PCDHGA1: variants seen among roughly 807,000 people sequenced by gnomAD.
PCDHGA1 encodes protocadherin gamma subfamily A, 1, also known as protocadherin gamma-A1.
In PCDHGA1, 32 loss-of-function variants were observed where a neutral mutation model predicts 58.0. The observed-to-expected ratio is 0.55, with a 90% CI of 0.42 to 0.74. The LOEUF (loss-of-function observed/expected upper bound fraction) is 0.74, where lower values mean the gene tolerates loss of function less well. Ranked by LOEUF, PCDHGA1 falls within the 30% of genes least tolerant of loss-of-function variation. The probability of loss-of-function intolerance (pLI) is 0.00; values close to 1 mark genes in which losing one functional copy is unlikely to be tolerated. For synonymous variants in PCDHGA1, 498 were observed against 501.1 expected, an observed-to-expected ratio of 0.99 and a Z score of 0.08; for missense variants, 1,205 against 1,182.3, an observed-to-expected ratio of 1.02 and a Z score of -0.28.
chr5:141,403,687 G>A, intron 1 of PCDHGA1: 1 of 1,613,872 alleles, frequency 6.2e-7, no homozygotes, highest in East Asian at 2.2e-5. Context: ...TTGCTCAACG[G>A]ATTTACCGAG....
At chr5:141,404,347 C>T (rs1451476815) in intron 1 of PCDHGA1, 6 of 1,613,796 alleles carry the variant, frequency 3.7e-6, no homozygotes, top group African/African-American at 2.7e-5. Context: ...CGGAAAACAA[C>T]GCCAGAGGTA....
chr5:141,485,074 G>C lies in PCDHGA1; in HGVS notation c.2422-9733G>C, dbSNP rs2099606548. ...GGCCGAACCGCGCCAGAGCTGGCGC[G>C]GGGAAAGGGAGATAGGTGTCTCCAG... On this transcript the variant is annotated intron_variant, in intron 1 of 3. Coordinates refer to ENST00000517417, the MANE Select transcript of PCDHGA1 (RefSeq NM_018912.3). The surrounding 1 kb of genome is among the most constrained non-coding windows in gnomAD (Gnocchi z 5.7). 1 of 926,946 alleles carries C rather than the reference G, an allele frequency of 1.1e-6. No individual in the cohort carries two copies. The highest frequency in any genetic ancestry group is 1.6e-5 in the South Asian group (1 of 62,606). The allele number at this position is 926,946 out of a possible 1,614,324, so 57.4% of individuals were successfully genotyped here.
At chr5:141,470,780 T>G (rs1436746772) in intron 1 of PCDHGA1, among the ~76,000 whole-genome samples, 1 of 152,194 alleles carries the variant, frequency 6.6e-6, no homozygotes, top group Non-Finnish European at 1.5e-5. Flanking sequence ...CTTGAATTCC[T>G]GGGCTCAAGC....
intron 1 of PCDHGA1, chr5:141,395,075 C>A: frequency 6.2e-7 from 1 of 1,614,124 alleles, no homozygotes; most frequent in Non-Finnish European, 8.5e-7. Context: ...AGACCTATTC[C>A]CAGGAAGTCT....
Position 141,347,024 on chromosome 5 carries a change from CTCCT to C in PCDHGA1, c.2421+13932_2421+13935del, listed in dbSNP as rs773361494. Among the ~76,000 whole-genome samples, 17 of 149,360 alleles carry C rather than the reference CTCCT, an allele frequency of 1.1e-4. No individual in the cohort carries two copies. The East Asian group carries it at 2.5e-3, about 22-fold the overall frequency. On this transcript the variant is annotated intron_variant, in intron 1 of 3. Coordinates refer to ENST00000517417, the MANE Select transcript of PCDHGA1 (RefSeq NM_018912.3). Reference sequence around the variant, plus strand: ...TCCTTCCTTCCTTCCTCTCTCTTTCCTCCTTCCTTCCTTCCTCTCTCTCTTTCCT... The same window carrying C: ...TCCTTCCTTCCTTCCTCTCTCTTTCCTCCTTCCTTCCTCTCTCTCTTTCCT...
At position 141,403,188 on chromosome 5, in the gene PCDHGA1, C is replaced by T. The variant is rs763950254; in HGVS notation, c.2421+70083C>T. ...AGGACGCAGCTTTTCTCTCTGAACCCGCGCAGCGGCACCTTGGTCACCGCG... is the reference window on the plus strand; with the variant it reads ...AGGACGCAGCTTTTCTCTCTGAACCTGCGCAGCGGCACCTTGGTCACCGCG... On this transcript the variant is annotated intron_variant, in intron 1 of 3. Coordinates refer to ENST00000517417, the MANE Select transcript of PCDHGA1 (RefSeq NM_018912.3). 5 of 1,613,850 alleles carry T rather than the reference C, an allele frequency of 3.1e-6. No individual in the cohort carries two copies. The African/African-American group carries it at 4.0e-5, about 13-fold the overall frequency.
At chr5:141,418,877 G>T in intron 1 of PCDHGA1, 1 of 1,613,960 alleles carries the variant, frequency 6.2e-7, no homozygotes, top group Non-Finnish European at 8.5e-7. Context: ...AGTTGTAGAC[G>T]AAAACGACAA....
intron 1 of PCDHGA1, among the ~76,000 whole-genome samples, chr5:141,359,855 T>TA (rs1343900120): frequency 6.6e-6 from 1 of 151,960 alleles, no homozygotes; most frequent in African/African-American, 2.4e-5. Flanking sequence ...CTTTATAAAT[T>TA]AAAAAAGAAA....
intron 1 of PCDHGA1, chr5:141,399,725 A>G (rs2093873556): frequency 6.2e-7 from 1 of 1,613,192 alleles, no homozygotes; most frequent in Admixed American, 1.7e-5. Flanking sequence ...GCCCGCGACC[A>G]GGGCTCGCCT....
Position 141,477,545 on chromosome 5 carries a change from C to T in PCDHGA1, c.2422-17262C>T. The T allele has an allele frequency of 6.2e-7, 1 of 1,614,194 alleles. No individual in the cohort carries two copies. Among genetic ancestry groups the T allele is most frequent in the South Asian group, 1.1e-5 (1 of 91,086 alleles). On this transcript the variant is annotated intron_variant, in intron 1 of 3. Coordinates refer to ENST00000517417, the MANE Select transcript of PCDHGA1 (RefSeq NM_018912.3). The surrounding 1 kb of genome is among the most constrained non-coding windows in gnomAD (Gnocchi z 4.9). ...AAACAACCTCCCCGGGGCTCCAATA[C>T]TAAACCTAAGTGTCTGGGACCCCGA...
intron 1 of PCDHGA1, chr5:141,397,868 A>T (rs1331188362): frequency 1.4e-5 from 8 of 573,128 alleles, no homozygotes; most frequent in Non-Finnish European, 2.1e-5. Context: ...CCTAGTGCTG[A>T]CTCTGGGCGC....
intron 1 of PCDHGA1, among the ~76,000 whole-genome samples, chr5:141,444,225 G>A (rs1307884592): frequency 8.0e-6 from 1 of 125,604 alleles, no homozygotes; most frequent in African/African-American, 3.1e-5. Context: ...AGGCTGGAGT[G>A]CAATGGCATG....
intron 1 of PCDHGA1, chr5:141,390,461 C>T: frequency 2.7e-6 from 2 of 738,224 alleles, no homozygotes; most frequent in Non-Finnish European, 4.3e-6. Context: ...AAAGTAGGAG[C>T]AATTGTGTGG....
chr5:141,397,450 A>G (rs1434264337), intron 1 of PCDHGA1, among the ~76,000 whole-genome samples: 1 of 152,258 alleles, frequency 6.6e-6, no homozygotes, highest in Admixed American at 6.5e-5. Context: ...AATATAAAAC[A>G]CTAGAAATAT....
At chr5:141,408,959 G>A (rs1434961395) in intron 1 of PCDHGA1, 1 of 1,613,722 alleles carries the variant, frequency 6.2e-7, no homozygotes, top group East Asian at 2.2e-5. Context: ...TAGTCTTAGT[G>A]AAAATCTGCC....
rs1296142784 is a variant in PCDHGA1 at position 141,431,302 on chromosome 5, C to T, written c.2422-63505C>T. ...GCCCGAACACTCACTTCTCCCTCAT[C>T]GTGCAAAATGGAGCCGACGGTAGTA... is the stretch of plus-strand genomic sequence containing the variant. On this transcript the variant is annotated intron_variant, in intron 1 of 3. Coordinates refer to ENST00000517417, the MANE Select transcript of PCDHGA1 (RefSeq NM_018912.3). This position sits in a 1 kb window ranked among gnomAD's most constrained non-coding sequence, Gnocchi z 4.8. 2 of 1,614,028 alleles carry T rather than the reference C, an allele frequency of 1.2e-6. No individual in the cohort carries two copies. Among genetic ancestry groups the T allele is most frequent in the African/African-American group, 1.3e-5 (1 of 74,946 alleles).
chr5:141,418,224 T>C (rs756997971), intron 1 of PCDHGA1: 1 of 1,613,998 alleles, frequency 6.2e-7, no homozygotes, highest in Non-Finnish European at 8.5e-7. Flanking sequence ...GTCATTGTGG[T>C]GATTGAGGAT....
chr5:141,390,542 G>A, intron 1 of PCDHGA1: 1 of 511,902 alleles, frequency 2.0e-6, no homozygotes, highest in South Asian at 2.4e-5. Context: ...TAACCACAAA[G>A]TGAAAGTGTT....
chr5:141,338,022 T>C (rs1186334625), intron 1 of PCDHGA1, among the ~76,000 whole-genome samples: 1 of 152,242 alleles, frequency 6.6e-6, no homozygotes, highest in African/African-American at 2.4e-5. Context: ...GCCTTTTTCT[T>C]GATTCAATCC....
Sources: gnomAD v4.1 joint callset for allele counts (sites outside exome capture counted in the v4.1 genomes callset) on GRCh38, gnomAD v4.1.1 for gene constraint, Gnocchi (gnomAD v3.1) non-coding constraint, MANE v1.5 for transcripts, NCBI Gene and HGNC (gene_info 2026-07-23, HGNC 2026-07-21) for gene names.